The following YLPM1 variants were observed in gnomAD, a reference collection of about 807,000 sequenced individuals.
YLPM1 encodes the protein YLP motif containing 1.
Under a neutral mutation model 230.0 loss-of-function variants are expected in YLPM1, and 99 were observed. The ratio of observed to expected loss-of-function variants is 0.43; its 90% CI spans 0.37 to 0.51. The LOEUF (loss-of-function observed/expected upper bound fraction) is 0.51, where lower values mean the gene tolerates loss of function less well. YLPM1 is among the 20% of genes least tolerant of loss of function. The pLI is 0.00. For synonymous variants in YLPM1, 984 were observed against 942.5 expected, an observed-to-expected ratio of 1.04 and a Z score of -0.81; for missense variants, 2,592 against 2,707.7, an observed-to-expected ratio of 0.96 and a Z score of 0.95.
At chr14:74,797,098 A>G (rs1189089565) in intron 4 of YLPM1, among the ~76,000 whole-genome samples, 2 of 147,294 alleles carry the variant, frequency 1.4e-5, no homozygotes, top group Non-Finnish European at 3.0e-5. Flanking sequence ...CAGCCTCCCA[A>G]GCAGCTGGGA....
intron 16 of YLPM1, among the ~76,000 whole-genome samples, chr14:74,820,560 T>C (rs1178060928): frequency 6.6e-6 from 1 of 152,200 alleles, no homozygotes; most frequent in African/African-American, 2.4e-5. Context: ...GACTCTTTAC[T>C]CTGCCCTTGT....
At chr14:74,797,263 T>C (rs1023128993) in intron 4 of YLPM1, among the ~76,000 whole-genome samples, 2 of 151,710 alleles carry the variant, frequency 1.3e-5, no homozygotes, top group South Asian at 4.2e-4. Context: ...AGTGCTGTGA[T>C]TACAAGTGTG....
intron 6 of YLPM1, among the ~76,000 whole-genome samples, chr14:74,806,170 A>T (rs548128169): frequency 3.8e-3 from 581 of 151,814 alleles, no homozygotes; most frequent in Non-Finnish European, 6.8e-3. Flanking sequence ...CAGCCTGGCC[A>T]ACATGGTGAA....
intron 5 of YLPM1, among the ~76,000 whole-genome samples, chr14:74,801,575 C>T (rs1433642947): frequency 6.6e-6 from 1 of 152,180 alleles, no homozygotes; most frequent in Non-Finnish European, 1.5e-5. Flanking sequence ...GTTGTTCTCA[C>T]CATCTACAGC....
rs760841012 is a variant in YLPM1, at chr14:74,798,668, C to T, written c.3371C>T (p.Pro1124Leu). 1.2e-6 allele frequency: 2 copies of T among 1,611,420 alleles called. No individual in the cohort carries two copies. Among genetic ancestry groups the T allele is most frequent in the Non-Finnish European group, 1.7e-6 (2 of 1,178,458 alleles). ...AGGGCTGGCAGTCAGGAGAGGGGACCTCTTCGAAGGGCTGGGAGTAGAGAG... is the reference window on the plus strand; with the variant it reads ...AGGGCTGGCAGTCAGGAGAGGGGACTTCTTCGAAGGGCTGGGAGTAGAGAG... ...PRRAGSQERG[P>L]LRRAGSRERI... The change falls in exon 5 of 21, where the codon CCT (proline) becomes CTT (leucine). Residue 1124 changes from proline (P) to leucine (L), a missense_variant. Physicochemically the swap from Pro to Leu is moderately conservative, Grantham distance 98. Transcript: ENST00000325680.
At chr14:74,816,397 G>A (rs2091478505) in intron 12 of YLPM1, 132 bp downstream of exon 12, 3 of 1,252,994 alleles carry the variant, frequency 2.4e-6, no homozygotes, top group Admixed American at 4.9e-5. Context: ...GTTGGCCCAT[G>A]TGGTAGATGT....
At chr14:74,828,366 A>C (rs2091582720) in intron 18 of YLPM1, among the ~76,000 whole-genome samples, 2 of 152,216 alleles carry the variant, frequency 1.3e-5, no homozygotes. Flanking sequence ...TATATAACTC[A>C]TAATATCCTA....
At chr14:74,833,550 G>A (rs1025582498) in intron 19 of YLPM1, among the ~76,000 whole-genome samples, 2 of 152,212 alleles carry the variant, frequency 1.3e-5, no homozygotes, top group African/African-American at 2.4e-5. Context: ...ACTGTGCCTG[G>A]CTGTATATAT....
Position 74,763,341 on chromosome 14 carries a change from G to A in YLPM1, c.-149G>A, listed in dbSNP as rs2090867530. 3.1e-6 allele frequency: 3 copies of A among 981,294 alleles called. No individual in the cohort carries two copies. Among genetic ancestry groups the A allele is most frequent in the African/African-American group, 1.7e-5 (1 of 59,008 alleles). 60.8% of individuals were successfully genotyped at this position (981,294 alleles called of 1,614,324 possible). A position where few individuals can be genotyped will look rare whatever the true frequency, so the allele number is the denominator to read the frequency against. On this transcript the variant is annotated 5_prime_UTR_variant, in exon 1 of 21. Coordinates refer to ENST00000325680, the MANE Select transcript of YLPM1 (RefSeq NM_019589.3). ...CTTCCCGGTCGCGGGCCCAGCTCGG[G>A]AGCGCCGGCGCACTGGCGCGCTCCG...
At position 74,798,006 on chromosome 14, in the gene YLPM1, C is replaced by T. The variant is rs745667678; in HGVS notation, c.2709C>T (p.Ser903=). 9 of 1,613,362 alleles carry T rather than the reference C, an allele frequency of 5.6e-6. No homozygotes were observed. The highest frequency in any genetic ancestry group is 2.2e-5 in the South Asian group (2 of 91,046). The change falls in exon 5 of 21, where the codon AGC becomes AGT. Residue 903 remains serine (S), a synonymous_variant. Transcript: ENST00000325680. ...CGGCTCAGTCAAATGAGAATCTAAG[C>T]GACTCTCAACAAGAGCCACCTAAAA... The part of the protein sequence containing the change: ...VKAAQSNENL[S]DSQQEPPKSE...
Position 74,798,651 on chromosome 14 carries a change from C to A in YLPM1, c.3354C>A (p.Gly1118=). Residue 1118 remains glycine (G), a synonymous_variant, in exon 5 of 21, where the codon GGC becomes GGA. Coordinates refer to ENST00000325680, the MANE Select transcript of YLPM1 (RefSeq NM_019589.3). Reference sequence around the variant, plus strand: ...AAAGGGGACCACCTCGGAGGGCTGGCAGTCAGGAGAGGGGACCTCTTCGAA... The same window carrying A: ...AAAGGGGACCACCTCGGAGGGCTGGAAGTCAGGAGAGGGGACCTCTTCGAA... ...SRERGPPRRA[G]SQERGPLRRA... 6.2e-7 allele frequency: 1 copy of A among 1,611,528 alleles called. No homozygotes were observed. The highest frequency in any genetic ancestry group is 8.5e-7 in the Non-Finnish European group (1 of 1,178,458).
chr14:74,767,907 AC>A (rs1475947766), intron 1 of YLPM1, among the ~76,000 whole-genome samples: 4 of 151,822 alleles, frequency 2.6e-5, no homozygotes, highest in Non-Finnish European at 5.9e-5. Flanking sequence ...CTCATGGGAC[AC>A]CCGATGCCTG....
At chr14:74,828,868 T>C (rs2091587263) in intron 18 of YLPM1, among the ~76,000 whole-genome samples, 1 of 152,190 alleles carries the variant, frequency 6.6e-6, no homozygotes, top group Non-Finnish European at 1.5e-5. Context: ...TGGAAGACAC[T>C]GTCTAGAAAA....
At chr14:74,793,893 G>T (rs747542601) in intron 4 of YLPM1, among the ~76,000 whole-genome samples, 19 of 152,114 alleles carry the variant, frequency 1.2e-4, no homozygotes, top group Non-Finnish European at 2.6e-4. Flanking sequence ...TCCTTCCCTA[G>T]CACCCCCTAG....
chr14:74,832,444 T>G (rs2091613930), intron 19 of YLPM1, among the ~76,000 whole-genome samples: 1 of 152,166 alleles, frequency 6.6e-6, no homozygotes, highest in African/African-American at 2.4e-5. Flanking sequence ...CCAAAATATT[T>G]TAATTCCAAC....
In YLPM1 at chr14:74,829,362, A is replaced by G; in HGVS notation, c.6294+19A>G. Reference sequence around the variant, plus strand: ...GAAGAGGGTAAGAGACTTTGTCAATAACTGCCAACAAATGAAGGGCCCATT... The same window carrying G: ...GAAGAGGGTAAGAGACTTTGTCAATGACTGCCAACAAATGAAGGGCCCATT... On this transcript the variant is annotated intron_variant, in intron 19 of 20. Transcript: ENST00000325680. The G allele has an allele frequency of 1.2e-6, 2 of 1,612,026 alleles. No individual in the cohort carries two copies. The highest frequency in any genetic ancestry group is 1.7e-6 in the Non-Finnish European group (2 of 1,178,592).
intron 1 of YLPM1, among the ~76,000 whole-genome samples, chr14:74,767,734 G>A (rs1418590955): frequency 1.3e-5 from 2 of 151,712 alleles, no homozygotes; most frequent in Non-Finnish European, 2.9e-5. Context: ...AAAATCTGTT[G>A]TCAGTTTTCC....
intron 1 of YLPM1, among the ~76,000 whole-genome samples, chr14:74,767,466 AG>A (rs1227068617): frequency 2.0e-5 from 3 of 152,186 alleles, no homozygotes; most frequent in Non-Finnish European, 4.4e-5. Context: ...AGGGTTTCTC[AG>A]CTTCGGCACT....
chr14:74,836,332 G>T lies in YLPM1; in HGVS notation c.*594G>T, dbSNP rs1417223166. Reference sequence around the variant, plus strand: ...GCTCAATGATTCCGTAGCACATGTTGTAAAACACAGGGTTCAAATGATGTT... The same window carrying T: ...GCTCAATGATTCCGTAGCACATGTTTTAAAACACAGGGTTCAAATGATGTT... On this transcript the variant is annotated 3_prime_UTR_variant, in exon 21 of 21. Transcript: ENST00000325680. 1.3e-5 allele frequency: 2 copies of T among 152,158 alleles called. No individual in the cohort carries two copies. The highest frequency in any genetic ancestry group is 1.9e-4 in the East Asian group (1 of 5,190). 9.4% of individuals were successfully genotyped at this position (152,158 alleles called of 1,614,324 possible).
Sources: gnomAD v4.1 joint callset for allele counts (sites outside exome capture counted in the v4.1 genomes callset) on GRCh38, gnomAD v4.1.1 for gene constraint, MANE v1.5 for transcripts, NCBI Gene and HGNC (gene_info 2026-07-23, HGNC 2026-07-21) for gene names.